Variants in SHISAL1 observed in about 807,000 individuals in gnomAD.
SHISAL1 encodes the protein protein shisa-like-1.
Under a neutral mutation model 22.6 loss-of-function variants are expected in SHISAL1, and 9 were observed. That is an observed-to-expected ratio of 0.40 (90% confidence interval 0.24 to 0.70). The LOEUF (loss-of-function observed/expected upper bound fraction) is 0.70, where lower values mean the gene tolerates loss of function less well. SHISAL1 is among the 30% of genes least tolerant of loss of function. The pLI is 0.39. For synonymous variants in SHISAL1, 119 were observed against 115.4 expected, an observed-to-expected ratio of 1.03 and a Z score of -0.20; for missense variants, 246 against 270.6, an observed-to-expected ratio of 0.91 and a Z score of 0.64.
the SHISAL1 span, among the ~76,000 whole-genome samples, chr22:44,318,472 G>T: frequency 2.0e-5 from 3 of 152,238 alleles, no homozygotes; most frequent in Non-Finnish European, 2.9e-5. Context: ...GGCGGAGGCT[G>T]GCCACAGCCA....
chr22:44,278,239 C>A (rs999629672), intron 4 of SHISAL1, among the ~76,000 whole-genome samples: 2 of 152,224 alleles, frequency 1.3e-5, no homozygotes, highest in African/African-American at 2.4e-5. Flanking sequence ...GTGCTGGATG[C>A]TTCCTGCCCT....
At chr22:44,298,824 C>T (rs114213205) in intron 2 of SHISAL1, among the ~76,000 whole-genome samples, 1 of 152,184 alleles carries the variant, frequency 6.6e-6, no homozygotes, top group Non-Finnish European at 1.5e-5. Context: ...CTGCCCATTA[C>T]CAGCACCCAG....
chr22:44,330,949 C>G, the SHISAL1 span, among the ~76,000 whole-genome samples: 1 of 152,068 alleles, frequency 6.6e-6, no homozygotes, highest in African/African-American at 2.4e-5. Flanking sequence ...CGCTGCCCAG[C>G]TGGGACCCCC....
At chr22:44,300,080 GAC>G (rs2055416305) in intron 2 of SHISAL1, among the ~76,000 whole-genome samples, 1 of 151,426 alleles carries the variant, frequency 6.6e-6, no homozygotes. Flanking sequence ...GACACAGAAA[GAC>G]AGACAGAGAC....
rs538579756 is a variant in SHISAL1 at position 44,277,646 on chromosome 22, C to G, written c.599+7782G>C. Among the ~76,000 whole-genome samples the G allele has an allele frequency of 4.6e-5, 7 of 152,160 alleles. No homozygotes were observed. In the East Asian group the frequency reaches 1.4e-3, roughly 29 times the overall value. ...CTGGAAACCCTCTCTCCCTGGAGGC[C>G]GAAGGACCCTGGGCGTGAGACAGAG... On this transcript the variant is annotated intron_variant, in intron 4 of 4. Transcript: ENST00000381176.
chr22:44,252,360 T>C (rs184517084), intron 4 of SHISAL1, among the ~76,000 whole-genome samples: 1,635 of 151,998 alleles, frequency 0.011, 14 homozygotes, highest in Non-Finnish European at 0.016. Flanking sequence ...AGGGAGAAAA[T>C]AAATGTTGTC....
the SHISAL1 span, among the ~76,000 whole-genome samples, chr22:44,319,067 G>A: frequency 6.6e-6 from 1 of 152,270 alleles, no homozygotes; most frequent in Admixed American, 6.5e-5. Flanking sequence ...CAGGGAACCT[G>A]CCCAGGACAG....
chr22:44,326,746 TA>T, the SHISAL1 span, among the ~76,000 whole-genome samples: 82 of 152,196 alleles, frequency 5.4e-4, no homozygotes, highest in Middle Eastern at 6.8e-3. Flanking sequence ...GCTGTCGATG[TA>T]AACGCCCTGT....
chr22:44,298,634 AG>A (rs1449704283), intron 2 of SHISAL1, among the ~76,000 whole-genome samples: 2 of 152,228 alleles, frequency 1.3e-5, no homozygotes, highest in African/African-American at 2.4e-5. Context: ...AGTCTAGCTT[AG>A]GCCCTGGGAC....
In SHISAL1 at chr22:44,285,464, C is replaced by A. The variant is rs1229796045; in HGVS notation, c.563G>T (p.Ser188Ile). 3 of 1,614,070 alleles carry A rather than the reference C, an allele frequency of 1.9e-6. No individual in the cohort carries two copies. In the Admixed American group the frequency reaches 5.0e-5, roughly 27 times the overall value. Reference protein sequence around the residue: ...AVHTLRGDAHSPPLMTFQSSS... With the variant: ...AVHTLRGDAHIPPLMTFQSSS... ...ACTCTGGAAGGTCATCAGCGGTGGG[C>A]TGTGAGCATCTCCCCGCAATGTGTG... Residue 188 changes from serine (S) to isoleucine (I), a missense_variant, in exon 4 of 5, where the codon AGC (serine) becomes ATC (isoleucine). This residue lies in a region of SHISAL1 where 136 missense variants were observed against 117.5 expected (regional missense o/e 1.16). Coordinates refer to ENST00000381176, the MANE Select transcript of SHISAL1 (RefSeq NM_001099294.2).
At chr22:44,330,191 C>T in the SHISAL1 span, among the ~76,000 whole-genome samples, 5 of 152,338 alleles carry the variant, frequency 3.3e-5, no homozygotes, top group East Asian at 1.9e-4. Context: ...CAGTGGGAAC[C>T]GACAGGGGTT....
At chr22:44,257,093 G>C (rs1173794992) in intron 4 of SHISAL1, among the ~76,000 whole-genome samples, 1 of 152,204 alleles carries the variant, frequency 6.6e-6, no homozygotes, top group Admixed American at 6.5e-5. Context: ...GTGCTGGTTT[G>C]GGTTTCTGCT....
intron 3 of SHISAL1, 67 bp from the exon 4 acceptor site, chr22:44,285,812 G>A (rs1230901024): frequency 3.0e-6 from 4 of 1,318,642 alleles, no homozygotes; most frequent in Admixed American, 3.6e-5. Context: ...GGCTTCATCA[G>A]TGGGGCTGAT....
chr22:44,289,055 C>T (rs1003124039), intron 3 of SHISAL1, among the ~76,000 whole-genome samples: 2 of 152,212 alleles, frequency 1.3e-5, no homozygotes, highest in African/African-American at 4.8e-5. Flanking sequence ...TACTAACTTC[C>T]CTGGAGTTTA....
chr22:44,269,636 G>GC (rs2055192598), intron 4 of SHISAL1, among the ~76,000 whole-genome samples: 1 of 145,846 alleles, frequency 6.9e-6, no homozygotes, highest in African/African-American at 2.7e-5. Flanking sequence ...ACACACACAT[G>GC]CCACAAACAA....
intron 4 of SHISAL1, among the ~76,000 whole-genome samples, chr22:44,276,217 CA>C (rs1245596948): frequency 7.2e-5 from 11 of 152,042 alleles, no homozygotes; most frequent in Non-Finnish European, 1.5e-5. Flanking sequence ...TGACTCTGAA[CA>C]GGGGCTGTGG....
At position 44,246,294 on chromosome 22, in the gene SHISAL1, A is replaced by T. The variant is rs1265559579; in HGVS notation, c.*3391T>A. On this transcript the variant is annotated 3_prime_UTR_variant, in exon 5 of 5. Transcript: ENST00000381176. Reference sequence around the variant, plus strand: ...GTTCCCAGTGGGAAACAGTCCTTACAAACGCGGTAGTTCTGCAAACAGCCT... The same window carrying T: ...GTTCCCAGTGGGAAACAGTCCTTACTAACGCGGTAGTTCTGCAAACAGCCT... 6.6e-6 allele frequency: 1 copy of T among 152,224 alleles called. No individual in the cohort carries two copies. Among genetic ancestry groups the T allele is most frequent in the East Asian group, 1.9e-4 (1 of 5,208 alleles). 9.4% of individuals were successfully genotyped at this position (152,224 alleles called of 1,614,324 possible). A position where few individuals can be genotyped will look rare whatever the true frequency, so the allele number is the denominator to read the frequency against.
At chr22:44,250,891 G>A (rs117515413) in intron 4 of SHISAL1, among the ~76,000 whole-genome samples, 277 of 152,262 alleles carry the variant, frequency 1.8e-3, no homozygotes, top group Middle Eastern at 3.4e-3. Context: ...GAGTGGCTCC[G>A]ACCAAGCCAG....
intron 4 of SHISAL1, among the ~76,000 whole-genome samples, chr22:44,255,115 C>T (rs1251152889): frequency 6.6e-6 from 1 of 152,132 alleles, no homozygotes; most frequent in Admixed American, 6.5e-5. Flanking sequence ...TCCTGACCTT[C>T]TCTTCTCCAC....
Sources: allele counts gnomAD v4.1 joint callset (sites outside exome capture counted in the v4.1 genomes callset), GRCh38; gene constraint gnomAD v4.1.1; regional missense constraint gnomAD v4.1.1; transcripts MANE v1.5; gene names NCBI Gene and HGNC (gene_info 2026-07-23, HGNC 2026-07-21).